Variants in SPTAN1 observed in about 807,000 individuals in gnomAD.
SPTAN1 encodes spectrin alpha, non-erythrocytic 1.
A neutral mutation model predicts 331.3 loss-of-function variants in SPTAN1; 61 were observed. The ratio of observed to expected loss-of-function variants is 0.18; its 90% CI spans 0.15 to 0.23. The LOEUF (loss-of-function observed/expected upper bound fraction) is 0.23, where lower values mean the gene tolerates loss of function less well. Ranked by LOEUF, SPTAN1 falls within the 10% of genes least tolerant of loss-of-function variation. The pLI is 1.00. For synonymous variants in SPTAN1, 1,153 were observed against 1,173.9 expected, an observed-to-expected ratio of 0.98 and a Z score of 0.36; for missense variants, 2,043 against 3,147.9, an observed-to-expected ratio of 0.65 and a Z score of 8.40.
At position 128,624,486 on chromosome 9, in the gene SPTAN1, C is replaced by T. The variant is rs1425115743; in HGVS notation, c.5991C>T (p.Ile1997=). ...NWKADVVESW[I]GEKENSLKTD... Reference sequence around the variant, plus strand: ...AGGCGGACGTGGTGGAGTCCTGGATCGGTGAGCACTGTCAGCAAGGCCCGG... The same window carrying T: ...AGGCGGACGTGGTGGAGTCCTGGATTGGTGAGCACTGTCAGCAAGGCCCGG... The change falls in exon 46 of 57, where the codon ATC becomes ATT. Residue 1997 remains isoleucine, a splice_region_variant and synonymous_variant. Coordinates refer to ENST00000372739, the MANE Select transcript of SPTAN1 (RefSeq NM_001130438.3). 3.1e-6 allele frequency: 5 copies of T among 1,612,730 alleles called. No individual in the cohort carries two copies. The highest frequency in any genetic ancestry group is 4.2e-6 in the Non-Finnish European group (5 of 1,180,004).
At chr9:128,628,929 A>G in intron 51 of SPTAN1, 1 of 388,798 alleles carries the variant, frequency 2.6e-6, no homozygotes, top group South Asian at 1.4e-4. Flanking sequence ...GCTCCTCCCA[A>G]GCCCTGCCCA....
In SPTAN1 at chr9:128,583,782, C is replaced by G; in HGVS notation, c.2012-6C>G. On this transcript the variant is annotated splice_region_variant and splice_polypyrimidine_tract_variant and intron_variant, in intron 15 of 56. Transcript: ENST00000372739. ...AGTACAAAATTAAACTTGTTTTCTT[C>G]CATAGGAATAAAGCTTCGTGAAGCC... The G allele has an allele frequency of 6.2e-7, 1 of 1,614,150 alleles. No individual in the cohort carries two copies. Among genetic ancestry groups the G allele is most frequent in the Non-Finnish European group, 8.5e-7 (1 of 1,180,028 alleles).
intron 1 of SPTAN1, among the ~76,000 whole-genome samples, chr9:128,564,329 G>A (rs562060787): frequency 6.6e-6 from 1 of 152,038 alleles, no homozygotes; most frequent in South Asian, 2.1e-4. Context: ...TGAGGCAGGA[G>A]AATTGCTTGA....
chr9:128,593,200 G>T, intron 23 of SPTAN1, 158 bp downstream of exon 23: 1 of 779,708 alleles, frequency 1.3e-6, no homozygotes, highest in Non-Finnish European at 2.2e-6. Flanking sequence ...AAGGGAAGAG[G>T]TCGCGGTGCA....
At chr9:128,582,019 C>T in intron 12 of SPTAN1, 127 bp downstream of exon 12, 1 of 754,534 alleles carries the variant, frequency 1.3e-6, no homozygotes, top group East Asian at 2.5e-5. Context: ...GGTGCTTAAA[C>T]TTTCACAAGG....
At chr9:128,589,269 C>G (rs1218224153) in intron 21 of SPTAN1, among the ~76,000 whole-genome samples, 2 of 144,590 alleles carry the variant, frequency 1.4e-5, no homozygotes, top group African/African-American at 5.1e-5. Flanking sequence ...CCTGTTGGTT[C>G]TTTTTTTTTC....
At position 128,627,765 on chromosome 9, in the gene SPTAN1, G is replaced by T. The variant is rs558378872; in HGVS notation, c.6690-160G>T. ...CATGCAGGGCGCGTGGTCAGCCCCA[G>T]CCATGACTTGGTGACAGACGATGCA... On this transcript the variant is annotated intron_variant, in intron 50 of 56. Transcript: ENST00000372739. This position sits in a 1 kb window ranked among gnomAD's most constrained non-coding sequence, Gnocchi z 4.9. 1.6e-4 allele frequency: 161 copies of T among 992,292 alleles called. No homozygotes were observed. The Middle Eastern group carries it at 1.9e-3, about 12-fold the overall frequency. 61.5% of individuals were successfully genotyped at this position (992,292 alleles called of 1,614,324 possible). A position where few individuals can be genotyped will look rare whatever the true frequency, so the allele number is the denominator to read the frequency against.
intron 21 of SPTAN1, among the ~76,000 whole-genome samples, chr9:128,591,057 C>A (rs1475959853): frequency 4.7e-5 from 2 of 42,290 alleles, no homozygotes; most frequent in African/African-American, 1.4e-4. Flanking sequence ...ATTTTAATAT[C>A]ATTTTGGACC....
At chr9:128,559,029 C>T (rs757621519) in intron 1 of SPTAN1, among the ~76,000 whole-genome samples, 2 of 152,104 alleles carry the variant, frequency 1.3e-5, no homozygotes. Flanking sequence ...TTGGTGTCTC[C>T]TGTAATTGCA....
intron 3 of SPTAN1, among the ~76,000 whole-genome samples, chr9:128,569,551 A>G (rs138038082): frequency 1.4e-4 from 21 of 151,538 alleles, no homozygotes; most frequent in African/African-American, 4.6e-4. Flanking sequence ...AAACCTCTTG[A>G]CAGTGAGGTG....
At chr9:128,574,390 A>G (rs976415905) in intron 3 of SPTAN1, among the ~76,000 whole-genome samples, 19 of 150,136 alleles carry the variant, frequency 1.3e-4, no homozygotes, top group African/African-American at 4.6e-4. Flanking sequence ...AATAATATAA[A>G]TGATAATGAT....
intron 15 of SPTAN1, among the ~76,000 whole-genome samples, 195 bp from the exon 16 acceptor site, chr9:128,583,593 G>A (rs182926833): frequency 1.4e-4 from 21 of 152,280 alleles, no homozygotes; most frequent in Admixed American, 3.9e-4. Flanking sequence ...TCTCAAGGGG[G>A]TTAGAATGCT....
chr9:128,582,430 C>G lies in SPTAN1; in HGVS notation c.1573-49C>G, dbSNP rs745538318. ...CAGTTACTTTTCTCCAGAGGCCAAG[C>G]TTGGGACTAGTGTGCTTACCAATGA... On this transcript the variant is annotated intron_variant, in intron 12 of 56. Transcript: ENST00000372739. 13 of 1,550,242 alleles carry G rather than the reference C, an allele frequency of 8.4e-6. No individual in the cohort carries two copies. In the East Asian group the frequency reaches 2.9e-4, roughly 35 times the overall value.
intron 3 of SPTAN1, among the ~76,000 whole-genome samples, chr9:128,569,316 G>A (rs191186256): frequency 7.6e-4 from 115 of 152,076 alleles, no homozygotes; most frequent in African/African-American, 2.7e-3. Flanking sequence ...GCTTGCCCTG[G>A]GAGGGGTTTA....
At chr9:128,618,644 C>T (rs1857473959) in intron 43 of SPTAN1, among the ~76,000 whole-genome samples, 1 of 152,032 alleles carries the variant, frequency 6.6e-6, no homozygotes, top group Admixed American at 6.6e-5. Context: ...CCACCAAGCC[C>T]AGCTAATTTT....
chr9:128,577,487 C>T lies in SPTAN1; in HGVS notation c.1066C>T (p.Arg356Trp), dbSNP rs370695453. ...CACCTTGGCGGCAGAGAGACATGCA[C>T]GGCTCAATGATTCATACAGGTGCAA... ...IRTLAAERHARLNDSYRLQRF... is the reference protein window; with the variant it reads ...IRTLAAERHAWLNDSYRLQRF... The change falls in exon 8 of 57, where the codon CGG becomes TGG. Residue 356 changes from arginine to tryptophan, a missense_variant. By Grantham distance (101) the Arg-to-Trp change is moderately radical. Transcript: ENST00000372739. This position sits in a 1 kb window ranked among gnomAD's most constrained non-coding sequence, Gnocchi z 4.2. The T allele has an allele frequency of 1.9e-6, 3 of 1,614,010 alleles. No individual in the cohort carries two copies. Among genetic ancestry groups the T allele is most frequent in the South Asian group, 1.1e-5 (1 of 91,082 alleles).
rs1358408896 is a variant in SPTAN1, at chr9:128,577,600, A to G, written c.1085+94A>G. The G allele has an allele frequency of 1.3e-6, 2 of 1,548,518 alleles. No homozygotes were observed. The highest frequency in any genetic ancestry group is 1.8e-6 in the Non-Finnish European group (2 of 1,127,704). On this transcript the variant is annotated intron_variant, in intron 8 of 56. Coordinates refer to ENST00000372739, the MANE Select transcript of SPTAN1 (RefSeq NM_001130438.3). This position sits in a 1 kb window ranked among gnomAD's most constrained non-coding sequence, Gnocchi z 4.2. ...TTAAGGGTCTGTTCTGTGTTCTGTG[A>G]AAGTGTCAGGTATCACCTACAAATG...
chr9:128,627,937 C>G lies in SPTAN1; in HGVS notation c.6702C>G (p.Leu2234=), dbSNP rs750819513. The stretch of plus-strand genomic sequence containing the variant: ...CTGCTCTCCACAGGACATACCTCCT[C>G]GATGGGTTAATATTGTTTTCTTCCT... ...QWIQETRTYL[L]DGSCMVEESG... Residue 2234 remains leucine (L), a synonymous_variant, in exon 51 of 57, where the codon CTC becomes CTG. Coordinates refer to ENST00000372739, the MANE Select transcript of SPTAN1 (RefSeq NM_001130438.3). The surrounding 1 kb of genome is among the most constrained non-coding windows in gnomAD (Gnocchi z 4.9). 3.7e-6 allele frequency: 6 copies of G among 1,614,070 alleles called. No individual in the cohort carries two copies. Among genetic ancestry groups the G allele is most frequent in the Non-Finnish European group, 5.1e-6 (6 of 1,180,030 alleles).
At chr9:128,570,304 T>TTATATATA (rs748964931) in intron 3 of SPTAN1, among the ~76,000 whole-genome samples, 3 of 111,766 alleles carry the variant, frequency 2.7e-5, no homozygotes, top group East Asian at 5.7e-4. Context: ...TTTAGACAGC[T>TTATATATA]TATATATATA....
Sources: gnomAD v4.1 joint callset for allele counts (sites outside exome capture counted in the v4.1 genomes callset) on GRCh38, gnomAD v4.1.1 for gene constraint, Gnocchi (gnomAD v3.1) non-coding constraint, MANE v1.5 for transcripts, NCBI Gene and HGNC (gene_info 2026-07-23, HGNC 2026-07-21) for gene names.